The following IL1RAP variants were observed in gnomAD, a reference collection of about 807,000 sequenced individuals.
IL1RAP encodes interleukin-1 receptor accessory protein.
Under a neutral mutation model 60.7 loss-of-function variants are expected in IL1RAP, and 35 were observed. The ratio of observed to expected loss-of-function variants is 0.58; its 90% CI spans 0.44 to 0.76. The LOEUF is 0.76. Ranked by LOEUF, IL1RAP falls within the 30% of genes least tolerant of loss-of-function variation. IL1RAP has a pLI of 0.00. For missense variants in IL1RAP, 572 were observed against 693.9 expected (o/e 0.82, Z 1.97); for synonymous variants, 268 against 250.9 (o/e 1.07, Z -0.64).
At chr3:190,590,852 C>A (rs1390092342) in intron 3 of IL1RAP, among the ~76,000 whole-genome samples, 1 of 152,072 alleles carries the variant, frequency 6.6e-6, no homozygotes, top group Non-Finnish European at 1.5e-5. Context: ...AATGTCTGTG[C>A]AGATATTTAT....
At position 190,644,261 on chromosome 3, in the gene IL1RAP, A is replaced by T. The variant is rs1478079389; in HGVS notation, c.1065A>T (p.Arg355Ser). 1 of 1,613,304 alleles carries T rather than the reference A, an allele frequency of 6.2e-7. No homozygotes were observed. Among genetic ancestry groups the T allele is most frequent in the African/African-American group, 1.3e-5 (1 of 74,888 alleles). ...TGTTCATTCCAGTGCCAGCTCCAAG[A>T]TACACAGTGGAACTGGCTTGTGGTT... Reference protein sequence around the residue: ...AKVKQKVPAPRYTVELACGFG... With the variant: ...AKVKQKVPAPSYTVELACGFG... The change falls in exon 10 of 12, where the codon AGA (arginine) becomes AGT (serine). Residue 355 changes from arginine to serine, a missense_variant. Physicochemically the swap from Arg to Ser is moderately radical, Grantham distance 110 (BLOSUM62 -1). Transcript: ENST00000447382.
At position 190,649,772 on chromosome 3, in the gene IL1RAP, C is replaced by T; in HGVS notation, c.*1067C>T. The T allele has an allele frequency of 2.0e-6, 2 of 985,324 alleles. No individual in the cohort carries two copies. The highest frequency in any genetic ancestry group is 2.4e-6 in the Non-Finnish European group (2 of 829,758). 61.0% of individuals were successfully genotyped at this position (985,324 alleles called of 1,614,324 possible). On this transcript the variant is annotated 3_prime_UTR_variant, in exon 12 of 12. Transcript: ENST00000447382. The stretch of plus-strand genomic sequence containing the variant: ...TTAACTGTATTTCCTGTCACCTATT[C>T]ACTAGTGCAGGAAATATACTTGCTC...
rs555645165 is a variant in IL1RAP at position 190,630,992 on chromosome 3, A to G, written c.1051+1494A>G. On this transcript the variant is annotated intron_variant, in intron 9 of 11. Coordinates refer to ENST00000447382, the MANE Select transcript of IL1RAP (RefSeq NM_002182.4). ...AACTCATTATTTCCTTAAGATTTTC[A>G]TAGGTGTTATTTGACAAAGGCTTTT... Among the ~76,000 whole-genome samples, 4 of 152,342 alleles carry G rather than the reference A, an allele frequency of 2.6e-5. No homozygotes were observed. The East Asian group carries it at 5.8e-4, about 22-fold the overall frequency.
intron 1 of IL1RAP, among the ~76,000 whole-genome samples, chr3:190,517,442 G>A (rs1721626739): frequency 6.6e-6 from 1 of 152,138 alleles, no homozygotes; most frequent in Non-Finnish European, 1.5e-5. Context: ...ATGTGCAAAG[G>A]TGGCATTTGC....
At chr3:190,625,516 A>T (rs1189077059) in intron 7 of IL1RAP, among the ~76,000 whole-genome samples, 2 of 152,166 alleles carry the variant, frequency 1.3e-5, no homozygotes, top group African/African-American at 2.4e-5. Context: ...ATGAGATTTG[A>T]CCTGTGCCAA....
chr3:190,620,209 G>C, intron 5 of IL1RAP, 66 bp from the exon 6 acceptor site: 1 of 822,194 alleles, frequency 1.2e-6, no homozygotes, highest in Non-Finnish European at 1.9e-6. Flanking sequence ...GTGAGTGTGC[G>C]TGTGTTTGTA....
chr3:190,590,851 G>A (rs1728881515), intron 3 of IL1RAP, among the ~76,000 whole-genome samples: 1 of 152,134 alleles, frequency 6.6e-6, no homozygotes, highest in African/African-American at 2.4e-5. Context: ...GAATGTCTGT[G>A]CAGATATTTA....
Position 190,650,883 on chromosome 3 carries a change from C to A in IL1RAP, c.*2178C>A. ...TAGTCACCAAAGGACCATTCTCTTG[C>A]CAATGCTGCATTCCTTTTGCACTTT... is the stretch of plus-strand genomic sequence containing the variant. On this transcript the variant is annotated 3_prime_UTR_variant, in exon 12 of 12. Coordinates refer to ENST00000447382, the MANE Select transcript of IL1RAP (RefSeq NM_002182.4). 1 of 985,354 alleles carries A rather than the reference C, an allele frequency of 1.0e-6. No homozygotes were observed. The highest frequency in any genetic ancestry group is 1.2e-6 in the Non-Finnish European group (1 of 829,870). The allele number at this position is 985,354 out of a possible 1,614,324, so 61.0% of individuals were successfully genotyped here.
chr3:190,535,022 G>GT (rs1375864677), intron 1 of IL1RAP, among the ~76,000 whole-genome samples: 1 of 151,992 alleles, frequency 6.6e-6, no homozygotes, highest in East Asian at 1.9e-4. Flanking sequence ...AGCAACAAAG[G>GT]TCCCAAATAT....
chr3:190,638,577 G>T (rs191285966), intron 9 of IL1RAP, among the ~76,000 whole-genome samples: 1 of 152,186 alleles, frequency 6.6e-6, no homozygotes, highest in African/African-American at 2.4e-5. Flanking sequence ...GTTTTTTCGT[G>T]AAGTGTTTTA....
chr3:190,598,254 T>G (rs1729553953), intron 3 of IL1RAP, among the ~76,000 whole-genome samples: 1 of 152,236 alleles, frequency 6.6e-6, no homozygotes, highest in Non-Finnish European at 1.5e-5. Flanking sequence ...TGACATCTTA[T>G]TTTATCTAGA....
chr3:190,566,500 C>G (rs1726412629), intron 3 of IL1RAP, among the ~76,000 whole-genome samples: 1 of 152,144 alleles, frequency 6.6e-6, no homozygotes, highest in African/African-American at 2.4e-5. Flanking sequence ...CCCCAGCCCC[C>G]ACCTCAAGTG....
intron 1 of IL1RAP, among the ~76,000 whole-genome samples, chr3:190,547,536 TTA>T (rs750384949): frequency 1.3e-5 from 2 of 152,196 alleles, no homozygotes; most frequent in African/African-American, 2.4e-5. Flanking sequence ...CTTTTTTGGC[TTA>T]TATGAGTTCC....
At chr3:190,646,567 C>A (rs1017838092) in intron 11 of IL1RAP, among the ~76,000 whole-genome samples, 4 of 152,116 alleles carry the variant, frequency 2.6e-5, no homozygotes, top group African/African-American at 9.7e-5. Flanking sequence ...CTTTTTAGAT[C>A]CGCACAGTAA....
At chr3:190,589,488 C>T (rs373873897) in intron 3 of IL1RAP, among the ~76,000 whole-genome samples, 13 of 152,140 alleles carry the variant, frequency 8.5e-5, no homozygotes, top group Non-Finnish European at 1.5e-4. Flanking sequence ...ACCGGCGTTT[C>T]GCAGGTGATG....
intron 3 of IL1RAP, among the ~76,000 whole-genome samples, chr3:190,592,734 G>C (rs1729051796): frequency 6.6e-6 from 1 of 152,188 alleles, no homozygotes; most frequent in East Asian, 1.9e-4. Flanking sequence ...AGCTCTTTTA[G>C]ATTTGATTTT....
chr3:190,519,328 A>C (rs930439182), intron 1 of IL1RAP, among the ~76,000 whole-genome samples: 1 of 152,240 alleles, frequency 6.6e-6, no homozygotes, highest in Non-Finnish European at 1.5e-5. Flanking sequence ...AAAGATGAGC[A>C]AGAGAAATCA....
intron 1 of IL1RAP, among the ~76,000 whole-genome samples, chr3:190,552,810 G>C (rs909406169): frequency 6.6e-6 from 1 of 151,948 alleles, no homozygotes; most frequent in Non-Finnish European, 1.5e-5. Flanking sequence ...CTGAAAAAAA[G>C]AAAAAAGCAC....
At chr3:190,530,342 T>A (rs1722885868) in intron 1 of IL1RAP, among the ~76,000 whole-genome samples, 1 of 152,188 alleles carries the variant, frequency 6.6e-6, no homozygotes, top group Admixed American at 6.5e-5. Flanking sequence ...CAGATCTGTA[T>A]TTTAGATCTG....
Sources: allele counts gnomAD v4.1 joint callset (sites outside exome capture counted in the v4.1 genomes callset), GRCh38; gene constraint gnomAD v4.1.1; transcripts MANE v1.5; gene names NCBI Gene and HGNC (gene_info 2026-07-23, HGNC 2026-07-21).